The following CLIP4 variants were observed in gnomAD, a reference collection of about 807,000 sequenced individuals.
CLIP4 encodes the protein CAP-Gly domain containing linker protein family member 4, also known as CAP-Gly domain-containing linker protein 4.
CLIP4 carries 47 observed loss-of-function variants against 73.1 expected under a neutral mutation model. That is an observed-to-expected ratio of 0.64 (90% CI 0.51 to 0.82). CLIP4 has a LOEUF of 0.82. Among genes scored for constraint, CLIP4 ranks in the 40% least tolerant of loss-of-function variants. The pLI, the probability that CLIP4 is intolerant of heterozygous loss-of-function variation, is 0.00. For missense variants in CLIP4, 874 were observed against 852.9 expected (o/e 1.02, Z -0.31); for synonymous variants, 306 against 295.4 (o/e 1.04, Z -0.37).
upstream of CLIP4, among the ~76,000 whole-genome samples, chr2:29,113,214 A>G (rs7606444): frequency 0.023 from 3,563 of 152,328 alleles, 117 homozygotes; most frequent in East Asian, 0.091. The surrounding 1 kb of genome is among the most constrained non-coding windows in gnomAD (Gnocchi z 4.0). Flanking sequence ...GTCAGTGAGT[A>G]ATGCCCTTTC....
chr2:29,149,308 TAAAATGA>T (rs561935007), intron 8 of CLIP4, among the ~76,000 whole-genome samples: 23 of 152,218 alleles, frequency 1.5e-4, no homozygotes, highest in Admixed American at 9.1e-4. Flanking sequence ...TTATTTAGTA[TAAAATGA>T]AAAAGGAAAA....
chr2:29,171,680 G>T (rs570515293), intron 14 of CLIP4, among the ~76,000 whole-genome samples: 12 of 151,886 alleles, frequency 7.9e-5, no homozygotes, highest in African/African-American at 2.2e-4. Flanking sequence ...CACCACGCCC[G>T]GCTAATATTT....
chr2:29,107,367 T>TGTTTTTG (rs1558504949), intron 1 of CLIP4, among the ~76,000 whole-genome samples: 50 of 111,206 alleles, frequency 4.5e-4, no homozygotes, highest in African/African-American at 1.6e-3. Context: ...AGTTTTTTTT[T>TGTTTTTG]TTTTTTTTTT....
intron 2 of CLIP4, among the ~76,000 whole-genome samples, chr2:29,125,535 T>G (rs1326691739): frequency 1.3e-5 from 2 of 152,076 alleles, no homozygotes; most frequent in Non-Finnish European, 2.9e-5. Flanking sequence ...GCTCTGTCTC[T>G]TCAACTCAGC....
At chr2:29,181,469 C>A (rs1668639734) in intron 15 of CLIP4, 103 bp from the exon 16 acceptor site, 3 of 943,728 alleles carry the variant, frequency 3.2e-6, no homozygotes, top group Non-Finnish European at 4.7e-6. Flanking sequence ...CTTTTGGGAA[C>A]TGAGTGAATG....
At position 29,143,918 on chromosome 2, in the gene CLIP4, G is replaced by A; in HGVS notation, c.858G>A (p.Gly286=). Reference sequence around the variant, plus strand: ...TTACGTCACTTGGCCTGAAGTTGGGGGATCGTGTTGTTATTGCAGGACAGA... The same window carrying A: ...TTACGTCACTTGGCCTGAAGTTGGGAGATCGTGTTGTTATTGCAGGACAGA... ...AMLTSLGLKL[G]DRVVIAGQKV... is the part of the protein sequence containing the mutation. The change falls in exon 7 of 16, where the codon GGG becomes GGA. Residue 286 remains glycine, a synonymous_variant. Transcript: ENST00000320081. 1 of 1,614,094 alleles carries A rather than the reference G, an allele frequency of 6.2e-7. No individual in the cohort carries two copies. Among genetic ancestry groups the A allele is most frequent in the East Asian group, 2.2e-5 (1 of 44,872 alleles).
At chr2:29,111,430 C>G (rs1226202708), upstream of CLIP4, among the ~76,000 whole-genome samples, 1 of 152,216 alleles carries the variant, frequency 6.6e-6, no homozygotes. Flanking sequence ...TACGTTAGGA[C>G]TTTTCCTTCC....
At chr2:29,103,066 C>T (rs1668097198) in intron 1 of CLIP4, among the ~76,000 whole-genome samples, 1 of 152,140 alleles carries the variant, frequency 6.6e-6, no homozygotes, top group South Asian at 2.1e-4. Context: ...GTGCCTTAGT[C>T]CACTGCTGCT....
chr2:29,124,540 C>T (rs2148470157), intron 2 of CLIP4, among the ~76,000 whole-genome samples: 1 of 152,134 alleles, frequency 6.6e-6, no homozygotes, highest in East Asian at 1.9e-4. Context: ...TTTTTGTCTG[C>T]TTCTCCCCGT....
Position 29,156,403 on chromosome 2 carries a change from G to A in CLIP4, c.1215G>A (p.Leu405=). Residue 405 remains leucine (L), a synonymous_variant, in exon 10 of 16, where the codon TTG becomes TTA. Transcript: ENST00000320081. ...GTGCTTCTGAGTCAACACTTTCATTGCCTCCTGGTGAAGAACTTAAAACTG... is the reference window on the plus strand; with the variant it reads ...GTGCTTCTGAGTCAACACTTTCATTACCTCCTGGTGAAGAACTTAAAACTG... ...KDSASESTLS[L]PPGEELKTVT... The A allele has an allele frequency of 1.9e-6, 3 of 1,588,500 alleles. No homozygotes were observed. Among genetic ancestry groups the A allele is most frequent in the Non-Finnish European group, 1.7e-6 (2 of 1,173,680 alleles).
At chr2:29,170,060 A>G (rs193169078) in intron 14 of CLIP4, among the ~76,000 whole-genome samples, 9 of 152,266 alleles carry the variant, frequency 5.9e-5, no homozygotes, top group East Asian at 5.8e-4. Flanking sequence ...AGTTCCATCC[A>G]TGTTGCTGCA....
At chr2:29,163,485 CTA>C (rs1160519450) in intron 12 of CLIP4, among the ~76,000 whole-genome samples, 2 of 152,096 alleles carry the variant, frequency 1.3e-5, no homozygotes, top group African/African-American at 4.8e-5. Context: ...CACTGAAACA[CTA>C]TATTACCAAG....
chr2:29,156,295 A>G, intron 9 of CLIP4, 59 bp from the exon 10 acceptor site: 1 of 1,200,472 alleles, frequency 8.3e-7, no homozygotes, highest in Non-Finnish European at 1.2e-6. Flanking sequence ...ACTTTAAAAA[A>G]TACATTTTAT....
At position 29,181,696 on chromosome 2, in the gene CLIP4, A is replaced by G; in HGVS notation, c.1921A>G (p.Arg641Gly). 1 of 1,614,134 alleles carries G rather than the reference A, an allele frequency of 6.2e-7. No homozygotes were observed. The highest frequency in any genetic ancestry group is 8.5e-7 in the Non-Finnish European group (1 of 1,180,012). Residue 641 changes from arginine to glycine, a missense_variant, in exon 16 of 16, where the codon AGG becomes GGG. Physicochemically the swap from Arg to Gly is moderately radical, Grantham distance 125 (BLOSUM62 -2). Transcript: ENST00000320081. ...LTSSNEMGTV[R>G]YVGPTDFASG... Reference sequence around the variant, plus strand: ...GAGCTCCAATGAGATGGGTACTGTTAGGTATGTGGGCCCCACTGACTTTGC... The same window carrying G: ...GAGCTCCAATGAGATGGGTACTGTTGGGTATGTGGGCCCCACTGACTTTGC...
At position 29,181,851 on chromosome 2, in the gene CLIP4, T is replaced by A; in HGVS notation, c.2076T>A (p.Tyr692Ter). 6.2e-7 allele frequency: 1 copy of A among 1,613,656 alleles called. No individual in the cohort carries two copies. Among genetic ancestry groups the A allele is most frequent in the Non-Finnish European group, 8.5e-7 (1 of 1,179,622 alleles). The change falls in exon 16 of 16, where the codon TAT becomes TAA. Residue 692 changes from tyrosine to a stop codon, truncating the protein, a stop_gained. Coordinates refer to ENST00000320081, the MANE Select transcript of CLIP4 (RefSeq NM_024692.6). LOFTEE classifies it high-confidence loss of function. Reference protein sequence around the residue: ...GVLVRPSRVTYRGINGSKLVD... With the variant: ...GVLVRPSRVT ...TAGTTCGACCGAGCAGAGTGACCTA[T>A]CGGGGAATTAATGGGTCAAAACTTG...
chr2:29,157,641 T>G (rs1000300280), intron 11 of CLIP4, among the ~76,000 whole-genome samples: 5 of 152,178 alleles, frequency 3.3e-5, no homozygotes, highest in Admixed American at 2.6e-4. Context: ...AAAGCATGCT[T>G]TCTGTGTTTT....
At chr2:29,144,455 C>A (rs1447655282) in intron 7 of CLIP4, among the ~76,000 whole-genome samples, 1 of 152,138 alleles carries the variant, frequency 6.6e-6, no homozygotes, top group African/African-American at 2.4e-5. Flanking sequence ...TCCTCCCAAG[C>A]TTTTGTTTCC....
At position 29,132,290 on chromosome 2, in the gene CLIP4, T is replaced by C. The variant is rs1665029476; in HGVS notation, c.367+45T>C. On this transcript the variant is annotated intron_variant, in intron 4 of 15. Coordinates refer to ENST00000320081, the MANE Select transcript of CLIP4 (RefSeq NM_024692.6). ...ATCAGTTGCTTATGTCATCTGCACTTGTGCTTAGATAATCTATATTTATGC... is the reference window on the plus strand; with the variant it reads ...ATCAGTTGCTTATGTCATCTGCACTCGTGCTTAGATAATCTATATTTATGC... The C allele has an allele frequency of 4.9e-6, 7 of 1,439,532 alleles. No homozygotes were observed. The South Asian group carries it at 6.9e-5, about 14-fold the overall frequency. 89.2% of individuals were successfully genotyped at this position (1,439,532 alleles called of 1,614,324 possible). A position where few individuals can be genotyped will look rare whatever the true frequency, so the allele number is the denominator to read the frequency against.
Position 29,182,360 on chromosome 2 carries a change from A to C in CLIP4, c.*467A>C, listed in dbSNP as rs186435932. ...TTATTACTAATAAGTCCAATGAGTGAGTAGTAGCTAGATGACTAGTATGTA... is the reference window on the plus strand; with the variant it reads ...TTATTACTAATAAGTCCAATGAGTGCGTAGTAGCTAGATGACTAGTATGTA... On this transcript the variant is annotated 3_prime_UTR_variant, in exon 16 of 16. Coordinates refer to ENST00000320081, the MANE Select transcript of CLIP4 (RefSeq NM_024692.6). The C allele has an allele frequency of 5.9e-5, 9 of 153,046 alleles. No individual in the cohort carries two copies. Among genetic ancestry groups the C allele is most frequent in the African/African-American group, 2.2e-4 (9 of 41,414 alleles). The allele number at this position is 153,046 out of a possible 1,614,324, so 9.5% of individuals were successfully genotyped here. A position where few individuals can be genotyped will look rare whatever the true frequency, so the allele number is the denominator to read the frequency against.
Sources: allele counts gnomAD v4.1 joint callset (sites outside exome capture counted in the v4.1 genomes callset), GRCh38; gene constraint gnomAD v4.1.1; non-coding constraint Gnocchi (gnomAD v3.1); transcripts MANE v1.5; gene names NCBI Gene and HGNC (gene_info 2026-07-23, HGNC 2026-07-21).